RAB3GAP2: variants seen among roughly 807,000 people sequenced by gnomAD.
The protein encoded by RAB3GAP2 is rab3 GTPase-activating protein non-catalytic subunit.
Under a neutral mutation model 185.3 loss-of-function variants are expected in RAB3GAP2, and 87 were observed. The ratio of observed to expected loss-of-function variants is 0.47; its 90% CI spans 0.39 to 0.56. The LOEUF is 0.56. Ranked by LOEUF, RAB3GAP2 falls within the 20% of genes least tolerant of loss-of-function variation. The probability of loss-of-function intolerance (pLI) is 0.00; values close to 1 mark genes in which losing one functional copy is unlikely to be tolerated. For synonymous variants in RAB3GAP2, 554 were observed against 576.1 expected, an observed-to-expected ratio of 0.96 and a Z score of 0.55; for missense variants, 1,492 against 1,638.2, an observed-to-expected ratio of 0.91 and a Z score of 1.54.
rs1221257312 is a variant in RAB3GAP2 at position 220,193,329 on chromosome 1, G to A, written c.1181C>T (p.Pro394Leu). The part of the protein sequence containing the change: ...RRHGESICLS[P>L]CNTLAAVTDD... ...TGTTACTGCTGCCAGTGTGTTACAT[G>A]GAGACAGACATATGCTTTCACCATG... The change falls in exon 13 of 35, where the codon CCA (proline) becomes CTA (leucine). Residue 394 changes from proline (P) to leucine (L), a missense_variant. Pro to Leu is a moderately conservative substitution (Grantham distance 98). Transcript: ENST00000358951. 4 of 1,613,790 alleles carry A rather than the reference G, an allele frequency of 2.5e-6. No homozygotes were observed. Among genetic ancestry groups the A allele is most frequent in the Middle Eastern group, 1.6e-4 (1 of 6,076 alleles).
In RAB3GAP2 at chr1:220,158,218, C is replaced by T. The variant is rs776742402; in HGVS notation, c.3262-342G>A. 1.3e-5 allele frequency among the ~76,000 whole-genome samples: 2 copies of T among 152,106 alleles called. No homozygotes were observed. Among genetic ancestry groups the T allele is most frequent in the African/African-American group, 2.4e-5 (1 of 41,410 alleles). On this transcript the variant is annotated intron_variant, in intron 29 of 34. Transcript: ENST00000358951. The surrounding 1 kb of genome is among the most constrained non-coding windows in gnomAD (Gnocchi z 4.3). ...CTAAGGCATCTGGTAGCCAAATAAT[C>T]GTGGTAGATGGAAGATACACACATG...
chr1:220,172,942 T>C (rs1269757013), intron 21 of RAB3GAP2, among the ~76,000 whole-genome samples, 200 bp from the exon 22 acceptor site: 1 of 152,198 alleles, frequency 6.6e-6, no homozygotes, highest in Admixed American at 6.5e-5. Flanking sequence ...CTATAACCTG[T>C]TGTATATTTA....
At chr1:220,252,568 G>C (rs531242123) in intron 1 of RAB3GAP2, among the ~76,000 whole-genome samples, 2 of 152,226 alleles carry the variant, frequency 1.3e-5, no homozygotes, top group Non-Finnish European at 2.9e-5. Flanking sequence ...GGGAGTGGAG[G>C]GGGCGACGGC....
At chr1:220,193,095 T>G (rs1380535275) in intron 13 of RAB3GAP2, 145 bp downstream of exon 13, 2 of 933,382 alleles carry the variant, frequency 2.1e-6, no homozygotes, top group Non-Finnish European at 3.3e-6. Flanking sequence ...AAGTGGTTGC[T>G]GATCTGAGTT....
At chr1:220,221,682 T>C (rs1415546860) in intron 2 of RAB3GAP2, among the ~76,000 whole-genome samples, 1 of 152,214 alleles carries the variant, frequency 6.6e-6, no homozygotes, top group Non-Finnish European at 1.5e-5. Context: ...TAATGTGCAT[T>C]ATGGAAAGGA....
Position 220,171,125 on chromosome 1 carries a change from T to TA in RAB3GAP2, c.2578-6dup, listed in dbSNP as rs758289966. The TA allele has an allele frequency of 1.1e-4, 184 of 1,611,894 alleles. No individual in the cohort carries two copies. The highest frequency in any genetic ancestry group is 1.5e-4 in the Non-Finnish European group (180 of 1,178,150). ...ACCCAAAACTGTTTGGGAAAACTAA[T>TA]AAAAAATGCACTGGTGATTCTTTGC... is the stretch of plus-strand genomic sequence containing the variant. On this transcript the variant is annotated splice_region_variant and splice_polypyrimidine_tract_variant and intron_variant, in intron 23 of 34. Coordinates refer to ENST00000358951, the MANE Select transcript of RAB3GAP2 (RefSeq NM_012414.4).
At chr1:220,239,462 C>T (rs1659650983) in intron 1 of RAB3GAP2, among the ~76,000 whole-genome samples, 2 of 152,140 alleles carry the variant, frequency 1.3e-5, no homozygotes, top group South Asian at 4.1e-4. Context: ...AACTTGTAAG[C>T]TCAAGCGAAC....
At chr1:220,266,475 C>G (rs1202968240) in intron 1 of RAB3GAP2, 1 of 527,102 alleles carries the variant, frequency 1.9e-6, no homozygotes. Flanking sequence ...GATTATGAAC[C>G]AGTATAAGTA....
chr1:220,198,688 G>C lies in RAB3GAP2; in HGVS notation c.812-2290C>G, dbSNP rs7538881. Among the ~76,000 whole-genome samples the C allele has an allele frequency of 9.9e-3, 1,503 of 152,238 alleles. 21 individuals carry two copies. The highest frequency in any genetic ancestry group is 0.033 in the African/African-American group (1,377 of 41,534). Reference sequence around the variant, plus strand: ...TAAGCATTACTCACTGCTGAGACATGCTACTTACTGTAATTACATTTCCTT... The same window carrying C: ...TAAGCATTACTCACTGCTGAGACATCCTACTTACTGTAATTACATTTCCTT... On this transcript the variant is annotated intron_variant, in intron 9 of 34. Coordinates refer to ENST00000358951, the MANE Select transcript of RAB3GAP2 (RefSeq NM_012414.4).
At chr1:220,241,817 T>C (rs1001024692) in intron 1 of RAB3GAP2, among the ~76,000 whole-genome samples, 3 of 152,012 alleles carry the variant, frequency 2.0e-5, no homozygotes, top group Admixed American at 6.5e-5. Context: ...AAAATGTACA[T>C]GTCTATTATA....
At chr1:220,153,122 T>A in intron 33 of RAB3GAP2, 63 bp downstream of exon 33, 1 of 1,278,492 alleles carries the variant, frequency 7.8e-7, no homozygotes, top group Non-Finnish European at 1.1e-6. Context: ...CTTAACTGAT[T>A]CTTTATTCCA....
Position 220,196,289 on chromosome 1 carries a change from T to C in RAB3GAP2, c.921A>G (p.Val307=), listed in dbSNP as rs1435887661. The change falls in exon 10 of 35, where the codon GTA becomes GTG. Residue 307 remains valine, a synonymous_variant. Coordinates refer to ENST00000358951, the MANE Select transcript of RAB3GAP2 (RefSeq NM_012414.4). ...SPPAMSQYIT[V]GSNPFTGFFY... ...AGAAGCCAGTAAATGGATTGGACCC[T>C]ACAGTGATATACTGAGACATGGCAG... The C allele has an allele frequency of 1.9e-6, 3 of 1,613,112 alleles. No homozygotes were observed. The highest frequency in any genetic ancestry group is 1.7e-5 in the Admixed American group (1 of 60,002).
chr1:220,271,411 C>T (rs115893804), intron 1 of RAB3GAP2, among the ~76,000 whole-genome samples: 10,472 of 152,070 alleles, frequency 0.069, 480 homozygotes, highest in South Asian at 0.12. Context: ...ATGAAATGTA[C>T]GAAATTCTGA....
At chr1:220,181,606 G>T (rs982947334) in intron 21 of RAB3GAP2, among the ~76,000 whole-genome samples, 3 of 151,942 alleles carry the variant, frequency 2.0e-5, no homozygotes, top group African/African-American at 7.3e-5. Flanking sequence ...TTGCTTTATG[G>T]GAAGCTTATT....
chr1:220,231,259 T>C (rs1020728903), intron 2 of RAB3GAP2, among the ~76,000 whole-genome samples: 1 of 152,196 alleles, frequency 6.6e-6, no homozygotes, highest in African/African-American at 2.4e-5. Context: ...CATTCCTGCC[T>C]TGAGACTTTG....
rs752972717 is a variant in RAB3GAP2 at position 220,164,850 on chromosome 1, A to G, written c.3088-51T>C. 1.0e-5 allele frequency: 16 copies of G among 1,530,544 alleles called. No individual in the cohort carries two copies. In the South Asian group the frequency reaches 1.8e-4, roughly 17 times the overall value. The allele number at this position is 1,530,544 out of a possible 1,614,324, so 94.8% of individuals were successfully genotyped here. On this transcript the variant is annotated intron_variant, in intron 26 of 34. Coordinates refer to ENST00000358951, the MANE Select transcript of RAB3GAP2 (RefSeq NM_012414.4). The stretch of plus-strand genomic sequence containing the variant: ...GAAAGAAAAAGAGGTATCATTTAAT[A>G]GGTTTTACCATTATCAATGGAGACT...
Position 220,171,909 on chromosome 1 carries a change from T to G in RAB3GAP2, c.2557A>C (p.Asn853His). 1 of 1,614,190 alleles carries G rather than the reference T, an allele frequency of 6.2e-7. No individual in the cohort carries two copies. Among genetic ancestry groups the G allele is most frequent in the Middle Eastern group, 1.6e-4 (1 of 6,062 alleles). Residue 853 changes from asparagine (N) to histidine (H), a missense_variant, in exon 23 of 35, where the codon AAC becomes CAC. By Grantham distance (68) the Asn-to-His change is moderately conservative (BLOSUM62 1). Transcript: ENST00000358951. ...CTTACTTTTTTCTCTGTCATGTTGT[T>G]TGATATCTGTGCAGCAACAGAATGC... Reference protein sequence around the residue: ...VGHSVAAQISNNMTEKKFSQT... With the variant: ...VGHSVAAQISHNMTEKKFSQT...
At chr1:220,259,423 G>A (rs999409681) in intron 1 of RAB3GAP2, among the ~76,000 whole-genome samples, 1 of 151,928 alleles carries the variant, frequency 6.6e-6, no homozygotes, top group Admixed American at 6.6e-5. Context: ...TCAGAAATAA[G>A]GCCCTTACCT....
At chr1:220,229,436 G>A (rs1447201360) in intron 2 of RAB3GAP2, among the ~76,000 whole-genome samples, 1 of 152,044 alleles carries the variant, frequency 6.6e-6, no homozygotes, top group Non-Finnish European at 1.5e-5. Flanking sequence ...TGACCCCATT[G>A]CATAGCACAT....
Sources: allele counts gnomAD v4.1 joint callset (sites outside exome capture counted in the v4.1 genomes callset), GRCh38; gene constraint gnomAD v4.1.1; non-coding constraint Gnocchi (gnomAD v3.1); transcripts MANE v1.5; gene names NCBI Gene and HGNC (gene_info 2026-07-23, HGNC 2026-07-21).